OR8B2: variants seen among roughly 807,000 people sequenced by gnomAD.
OR8B2 encodes the protein olfactory receptor 8B2.
For synonymous variants in OR8B2, 98 were observed against 138.2 expected, an observed-to-expected ratio of 0.71 and a Z score of 2.04; for missense variants, 304 against 379.6, an observed-to-expected ratio of 0.80 and a Z score of 1.65.
chr11:124,396,864 A>G, the OR8B2 span: 12 of 1,609,098 alleles, frequency 7.5e-6, no homozygotes, highest in Admixed American at 1.2e-4. Flanking sequence ...GAGTCTAAGC[A>G]TGCACCCGGT....
At chr11:124,389,879 A>C in the OR8B2 span, among the ~76,000 whole-genome samples, 1 of 152,318 alleles carries the variant, frequency 6.6e-6, no homozygotes, top group African/African-American at 2.4e-5. Context: ...ATTTAAACAG[A>C]GAATTAGTTA....
chr11:124,383,704 C>T (rs1413143437), intron 1 of OR8B2, among the ~76,000 whole-genome samples: 3 of 152,148 alleles, frequency 2.0e-5, no homozygotes, highest in Non-Finnish European at 4.4e-5. Context: ...CTTATGTTTC[C>T]ATTATTCTAC....
chr11:124,394,091 T>G, the OR8B2 span, among the ~76,000 whole-genome samples: 21 of 111,076 alleles, frequency 1.9e-4, no homozygotes, highest in Non-Finnish European at 3.4e-5. Flanking sequence ...AACATCACAC[T>G]CTGGGGACTG....
At chr11:124,394,620 C>G in the OR8B2 span, among the ~76,000 whole-genome samples, 1 of 152,078 alleles carries the variant, frequency 6.6e-6, no homozygotes, top group African/African-American at 2.4e-5. Flanking sequence ...CTTTAAGTCC[C>G]ACCCACCCTG....
At chr11:124,384,216 C>T (rs1212439237) in intron 1 of OR8B2, among the ~76,000 whole-genome samples, 158 bp downstream of exon 1, 4 of 152,102 alleles carry the variant, frequency 2.6e-5, no homozygotes, top group Non-Finnish European at 5.9e-5. Flanking sequence ...TATCCTGATA[C>T]CAGGCTGAGA....
At chr11:124,392,400 A>G in the OR8B2 span, among the ~76,000 whole-genome samples, 14 of 119,202 alleles carry the variant, frequency 1.2e-4, no homozygotes, top group Admixed American at 1.0e-3. Context: ...AAGCTGATAA[A>G]CAACTTCAGC....
At chr11:124,384,145 A>G (rs1860655735) in intron 1 of OR8B2, among the ~76,000 whole-genome samples, 1 of 152,108 alleles carries the variant, frequency 6.6e-6, no homozygotes, top group Non-Finnish European at 1.5e-5. Flanking sequence ...TTTAATAAAG[A>G]GACAAATCTC....
At chr11:124,384,329 T>C (rs530677352) in intron 1 of OR8B2, 45 bp downstream of exon 1, 31 of 152,170 alleles carry the variant, frequency 2.0e-4, no homozygotes, top group African/African-American at 7.2e-4. Flanking sequence ...TTCCCCATTT[T>C]TCAGCAACAT....
At chr11:124,387,635 C>T (rs9705339), upstream of OR8B2, among the ~76,000 whole-genome samples, 14 of 126,374 alleles carry the variant, frequency 1.1e-4, no homozygotes, top group Middle Eastern at 0.012. Flanking sequence ...TTTTGGTACC[C>T]GTACCATGCT....
rs145873933 is a variant in OR8B2 at position 124,382,579 on chromosome 11, C to T, written c.765G>A (p.Ala255=). 5.6e-6 allele frequency: 9 copies of T among 1,612,252 alleles called. No individual in the cohort carries two copies. Among genetic ancestry groups the T allele is most frequent in the African/African-American group, 1.3e-5 (1 of 74,602 alleles). The part of the protein sequence containing the change: ...VIALSLFFGS[A]AFMYIKYSSG... ...AAGAATATTTAATATACATGAATGC[C>T]GCTGACCCAAAAAACAGAGACAGAG... The change falls in exon 2 of 2, where the codon GCG becomes GCA. Residue 255 remains alanine, a synonymous_variant. Transcript: ENST00000641451.
chr11:124,397,096 C>A, the OR8B2 span: 11 of 1,613,618 alleles, frequency 6.8e-6, no homozygotes, highest in Non-Finnish European at 9.3e-6. Flanking sequence ...TTTTTTGATA[C>A]AAAGTTCATT....
In OR8B2 at chr11:124,382,751, A is replaced by G. The variant is rs141277809; in HGVS notation, c.593T>C (p.Val198Ala). The stretch of plus-strand genomic sequence containing the variant: ...ATTAGTACCCACAACAATGAGAACA[A>G]CCACCTCGTTGACATAGGTGCTGGT... ...SCTSTYVNEVVVLIVVGTNIT... is the reference protein window; with the variant it reads ...SCTSTYVNEVAVLIVVGTNIT... Residue 198 changes from valine (V) to alanine (A), a missense_variant, in exon 2 of 2, where the codon GTT becomes GCT. Coordinates refer to ENST00000641451, the MANE Select transcript of OR8B2 (RefSeq NM_001005468.2). The G allele has an allele frequency of 1.2e-6, 2 of 1,613,694 alleles. No individual in the cohort carries two copies. The highest frequency in any genetic ancestry group is 1.7e-6 in the Non-Finnish European group (2 of 1,179,818).
Position 124,382,922 on chromosome 11 carries a change from C to G in OR8B2, c.422G>C (p.Cys141Ser). 6.2e-7 allele frequency: 1 copy of G among 1,610,174 alleles called. No homozygotes were observed. The highest frequency in any genetic ancestry group is 8.5e-7 in the Non-Finnish European group (1 of 1,177,964). The change falls in exon 2 of 2, where the codon TGT becomes TCT. Residue 141 changes from cysteine (C) to serine (S), a missense_variant. By Grantham distance (112) the Cys-to-Ser change is moderately radical. Transcript: ENST00000641451. ...LYKVTMSHQV[C>S]SMLTFAAYIM... ...GTAAGCAGCAAAAGTGAGCATAGAA[C>G]AGACCTGATGGGACATGGTGACCTT...
At chr11:124,397,251 A>T in the OR8B2 span, 1 of 1,532,680 alleles carries the variant, frequency 6.5e-7, no homozygotes, top group Admixed American at 1.7e-5. Context: ...GACAATGTAG[A>T]CCACTAGAAA....
chr11:124,391,639 G>C, the OR8B2 span, among the ~76,000 whole-genome samples: 1 of 152,060 alleles, frequency 6.6e-6, no homozygotes, highest in Non-Finnish European at 1.5e-5. Context: ...CAACCAAAAA[G>C]AGTCCAGGAC....
At chr11:124,396,450 C>G in the OR8B2 span, 1 of 1,612,296 alleles carries the variant, frequency 6.2e-7, no homozygotes, top group Non-Finnish European at 8.5e-7. Context: ...CAGAGCTTTC[C>G]TCAGTGCAAC....
the OR8B2 span, among the ~76,000 whole-genome samples, chr11:124,390,896 T>C: frequency 6.6e-6 from 1 of 152,176 alleles, no homozygotes; most frequent in Non-Finnish European, 1.5e-5. Flanking sequence ...TTGGTCCATC[T>C]TTAGATTAAG....
At chr11:124,394,768 GTTC>G in the OR8B2 span, among the ~76,000 whole-genome samples, 2 of 152,258 alleles carry the variant, frequency 1.3e-5, no homozygotes, top group African/African-American at 2.4e-5. Flanking sequence ...GAGCTGAGCT[GTTC>G]TTCTCTGGGG....
chr11:124,388,483 A>G (rs1860734676), upstream of OR8B2, among the ~76,000 whole-genome samples: 1 of 152,190 alleles, frequency 6.6e-6, no homozygotes. Context: ...ATCTTTAACC[A>G]GAGTCCTCCA....
Sources: allele counts gnomAD v4.1 joint callset (sites outside exome capture counted in the v4.1 genomes callset), GRCh38; gene constraint gnomAD v4.1.1; transcripts MANE v1.5; gene names NCBI Gene and HGNC (gene_info 2026-07-23, HGNC 2026-07-21).